Variants in GRIA1 observed in about 807,000 individuals in gnomAD.
The protein encoded by GRIA1 is glutamate ionotropic receptor AMPA type subunit 1, also known as glutamate receptor 1.
Under a neutral mutation model 99.2 loss-of-function variants are expected in GRIA1, and 31 were observed. The ratio of observed to expected loss-of-function variants is 0.31; its 90% CI spans 0.23 to 0.42. GRIA1 has a LOEUF of 0.42. GRIA1 is among the 10% of genes least tolerant of loss of function. The pLI is 1.00. For synonymous variants in GRIA1, 438 were observed against 432.4 expected, an observed-to-expected ratio of 1.01 and a Z score of -0.16; for missense variants, 782 against 1,157.5, an observed-to-expected ratio of 0.68 and a Z score of 4.71.
At chr5:153,665,622 A>G (rs1387349807) in intron 5 of GRIA1, among the ~76,000 whole-genome samples, 1 of 152,238 alleles carries the variant, frequency 6.6e-6, no homozygotes, top group Non-Finnish European at 1.5e-5. Context: ...AAATTCACAC[A>G]TATCCATATT....
At chr5:153,648,117 A>G (rs1239098024) in intron 3 of GRIA1, among the ~76,000 whole-genome samples, 1 of 152,216 alleles carries the variant, frequency 6.6e-6, no homozygotes, top group Non-Finnish European at 1.5e-5. Flanking sequence ...GAGTCTTAGA[A>G]AACTTTTGAG....
intron 5 of GRIA1, among the ~76,000 whole-genome samples, chr5:153,666,326 T>A (rs1003159879): frequency 6.6e-6 from 1 of 152,298 alleles, no homozygotes; most frequent in East Asian, 1.9e-4. Flanking sequence ...GAAGGGCCCC[T>A]GCACGTTCAA....
intron 2 of GRIA1, among the ~76,000 whole-genome samples, chr5:153,522,885 A>G (rs1181896825): frequency 6.6e-6 from 1 of 152,212 alleles, no homozygotes; most frequent in Non-Finnish European, 1.5e-5. Context: ...CTATGAAATT[A>G]TCAAAAATAG....
intron 6 of GRIA1, among the ~76,000 whole-genome samples, chr5:153,675,828 G>A (rs1756529363): frequency 6.6e-6 from 1 of 151,740 alleles, no homozygotes; most frequent in Admixed American, 6.6e-5. Context: ...AAAAGACTGA[G>A]CAGATGACAA....
intron 2 of GRIA1, among the ~76,000 whole-genome samples, chr5:153,596,810 G>T (rs188556935): frequency 3.3e-5 from 5 of 152,282 alleles, no homozygotes; most frequent in Admixed American, 1.3e-4. Context: ...CAGGAAGAGG[G>T]GATTCTGCAC....
chr5:153,496,883 G>GT lies in GRIA1; in HGVS notation c.220+2827dup, dbSNP rs200848634. Reference sequence around the variant, plus strand: ...TCTAGAAAATGACCAAATTTTATTTGTTTTTTTTTCATAATTTTTGCTGTC... The same window carrying GT: ...TCTAGAAAATGACCAAATTTTATTTGTTTTTTTTTTCATAATTTTTGCTGTC... On this transcript the variant is annotated intron_variant, in intron 2 of 15. Coordinates refer to ENST00000285900, the MANE Select transcript of GRIA1 (RefSeq NM_000827.4). Among the ~76,000 whole-genome samples the GT allele has an allele frequency of 4.3e-3, 644 of 149,688 alleles. 4 individuals carry two copies. Among genetic ancestry groups the GT allele is most frequent in the African/African-American group, 0.012 (497 of 40,744 alleles).
At chr5:153,710,309 A>G (rs1206028022) in intron 11 of GRIA1, among the ~76,000 whole-genome samples, 11 of 151,460 alleles carry the variant, frequency 7.3e-5, no homozygotes, top group African/African-American at 2.2e-4. Context: ...TGCAGCCTTG[A>G]CCTTCTGGGC....
At chr5:153,617,709 C>A (rs1193385074) in intron 2 of GRIA1, among the ~76,000 whole-genome samples, 2 of 152,168 alleles carry the variant, frequency 1.3e-5, no homozygotes, top group African/African-American at 4.8e-5. Context: ...GGATAGGCCA[C>A]ACCTCTAATC....
rs536302837 is a variant in GRIA1 at position 153,563,713 on chromosome 5, G to C, written c.220+69648G>C. On this transcript the variant is annotated intron_variant, in intron 2 of 15. Coordinates refer to ENST00000285900, the MANE Select transcript of GRIA1 (RefSeq NM_000827.4). Reference sequence around the variant, plus strand: ...CAGTCAATCTTGAAGAAGGAGCATCGTATCAAAGAGGTCTGTTGTCAAATA... The same window carrying C: ...CAGTCAATCTTGAAGAAGGAGCATCCTATCAAAGAGGTCTGTTGTCAAATA... Among the ~76,000 whole-genome samples, 14 of 152,264 alleles carry C rather than the reference G, an allele frequency of 9.2e-5. No homozygotes were observed. In the East Asian group the frequency reaches 2.5e-3, roughly 27 times the overall value.
chr5:153,782,444 A>C (rs1764692700), intron 13 of GRIA1, among the ~76,000 whole-genome samples: 2 of 152,190 alleles, frequency 1.3e-5, no homozygotes, highest in Non-Finnish European at 2.9e-5. Context: ...TCTAATGTTG[A>C]CATGTAGGAA....
At chr5:153,638,853 G>A (rs1273685160) in intron 2 of GRIA1, among the ~76,000 whole-genome samples, 1 of 152,204 alleles carries the variant, frequency 6.6e-6, no homozygotes, top group Non-Finnish European at 1.5e-5. Context: ...GGAGTAGGGA[G>A]GTGTAAGGGT....
At chr5:153,666,794 G>A (rs1581431623) in intron 5 of GRIA1, among the ~76,000 whole-genome samples, 2 of 152,150 alleles carry the variant, frequency 1.3e-5, no homozygotes, top group South Asian at 2.1e-4. Context: ...GGTTTGATAC[G>A]TGTTAGGTAC....
chr5:153,608,276 A>G (rs1025283732), intron 2 of GRIA1, among the ~76,000 whole-genome samples: 2 of 151,872 alleles, frequency 1.3e-5, no homozygotes, highest in Non-Finnish European at 2.9e-5. Context: ...GGACTTCTCA[A>G]ATTTGTGTCT....
At chr5:153,560,627 C>T (rs1308036143) in intron 2 of GRIA1, among the ~76,000 whole-genome samples, 2 of 152,178 alleles carry the variant, frequency 1.3e-5, no homozygotes, top group African/African-American at 4.8e-5. Flanking sequence ...TGCTCTTCTA[C>T]CATGATTGTG....
chr5:153,614,965 G>A (rs1236632940), intron 2 of GRIA1, among the ~76,000 whole-genome samples: 1 of 152,156 alleles, frequency 6.6e-6, no homozygotes, highest in African/African-American at 2.4e-5. Context: ...AACATCAAGT[G>A]GGTTTACAGT....
At chr5:153,617,744 A>T (rs1245102458) in intron 2 of GRIA1, among the ~76,000 whole-genome samples, 1 of 152,062 alleles carries the variant, frequency 6.6e-6, no homozygotes, top group Non-Finnish European at 1.5e-5. Context: ...ACCAACTAAA[A>T]ACTGCTTATC....
intron 4 of GRIA1, 80 bp downstream of exon 4, chr5:153,650,594 A>G: frequency 1.5e-6 from 2 of 1,375,000 alleles, no homozygotes; most frequent in Non-Finnish European, 2.0e-6. Context: ...CTTGGGTGTT[A>G]TAAAGAGGGT....
chr5:153,677,329 A>AT (rs558510691), intron 7 of GRIA1, among the ~76,000 whole-genome samples, 168 bp downstream of exon 7: 12 of 148,384 alleles, frequency 8.1e-5, no homozygotes, highest in Middle Eastern at 6.5e-3. Flanking sequence ...TGAAGCTCAT[A>AT]TAAAAAAAAA....
chr5:153,736,248 C>T (rs970191965), intron 11 of GRIA1, among the ~76,000 whole-genome samples: 2 of 152,160 alleles, frequency 1.3e-5, no homozygotes, highest in African/African-American at 4.8e-5. Flanking sequence ...GCCATAAATA[C>T]CTATCACCAT....
Sources: allele counts gnomAD v4.1 joint callset (sites outside exome capture counted in the v4.1 genomes callset), GRCh38; gene constraint gnomAD v4.1.1; transcripts MANE v1.5; gene names NCBI Gene and HGNC (gene_info 2026-07-23, HGNC 2026-07-21).